PTPN13: variants seen among roughly 807,000 people sequenced by gnomAD.
PTPN13 encodes the protein protein tyrosine phosphatase non-receptor type 13.
In PTPN13, 191 loss-of-function variants were observed where a neutral mutation model predicts 284.0. The observed-to-expected ratio is 0.67, with a 90% CI of 0.60 to 0.76. The LOEUF is 0.76. PTPN13 is among the 30% of genes least tolerant of loss of function. PTPN13 has a pLI of 0.00. For synonymous variants in PTPN13, 986 were observed against 1,022.3 expected, an observed-to-expected ratio of 0.96 and a Z score of 0.68; for missense variants, 2,797 against 2,939.9, an observed-to-expected ratio of 0.95 and a Z score of 1.12.
At chr4:86,801,677 A>AAG (rs1252831190) in intron 42 of PTPN13, among the ~76,000 whole-genome samples, 1 of 152,186 alleles carries the variant, frequency 6.6e-6, no homozygotes, top group African/African-American at 2.4e-5. Flanking sequence ...GAAATAATTC[A>AAG]GTGTTTAGTT....
chr4:86,793,016 C>T lies in PTPN13; in HGVS notation c.6346-3858C>T, dbSNP rs1268049598. ...TCAAATTCACACATAACAATATTAA[C>T]CGTAAGTGTGTATGGGCTAAATGCC... On this transcript the variant is annotated intron_variant, in intron 40 of 47. Transcript: ENST00000411767. 5.9e-5 allele frequency among the ~76,000 whole-genome samples: 9 copies of T among 152,108 alleles called. No homozygotes were observed. In the East Asian group the frequency reaches 1.7e-3, roughly 29 times the overall value.
intron 43 of PTPN13, among the ~76,000 whole-genome samples, chr4:86,804,913 A>C (rs1357597822): frequency 6.6e-6 from 1 of 152,242 alleles, no homozygotes; most frequent in Non-Finnish European, 1.5e-5. Flanking sequence ...AATATTCTAT[A>C]ACCCTTACAG....
At chr4:86,788,459 A>G (rs1426937648) in intron 40 of PTPN13, among the ~76,000 whole-genome samples, 1 of 152,210 alleles carries the variant, frequency 6.6e-6, no homozygotes, top group African/African-American at 2.4e-5. Flanking sequence ...AAGTTTTATC[A>G]TGTGGCAAAA....
rs1163775222 is a variant in PTPN13 at position 86,810,174 on chromosome 4, A to G, written c.7299+190A>G. On this transcript the variant is annotated intron_variant, in intron 46 of 47. Coordinates refer to ENST00000411767, the MANE Select transcript of PTPN13 (RefSeq NM_080683.3). ...GGTATTCAAAACTACATAGACCGTG[A>G]TCAACAAAAAATAATACTTCAATTT... Among the ~76,000 whole-genome samples the G allele has an allele frequency of 3.3e-5, 5 of 152,312 alleles. No homozygotes were observed. In the South Asian group the frequency reaches 6.2e-4, roughly 19 times the overall value.
At chr4:86,755,734 CA>C (rs2149222810) in intron 20 of PTPN13, among the ~76,000 whole-genome samples, 1 of 152,038 alleles carries the variant, frequency 6.6e-6, no homozygotes, top group East Asian at 1.9e-4. Flanking sequence ...TGATTTTGTC[CA>C]ACTATAAGTT....
Position 86,794,278 on chromosome 4 carries a change from G to A in PTPN13, c.6346-2596G>A, listed in dbSNP as rs562077357. 3.9e-5 allele frequency among the ~76,000 whole-genome samples: 6 copies of A among 152,206 alleles called. No individual in the cohort carries two copies. In the South Asian group the frequency reaches 1.0e-3, roughly 26 times the overall value. On this transcript the variant is annotated intron_variant, in intron 40 of 47. Coordinates refer to ENST00000411767, the MANE Select transcript of PTPN13 (RefSeq NM_080683.3). ...CCAACAGTAGACAGAGCCAAATCAT[G>A]TGTGAACTCCCATTCACAATTACCA...
chr4:86,625,370 T>C (rs1721713291), intron 1 of PTPN13, among the ~76,000 whole-genome samples: 1 of 152,124 alleles, frequency 6.6e-6, no homozygotes, highest in African/African-American at 2.4e-5. Flanking sequence ...ATCTACCTTC[T>C]TCTTACTTAC....
chr4:86,802,343 G>T (rs1744127610), intron 42 of PTPN13, among the ~76,000 whole-genome samples: 1 of 152,014 alleles, frequency 6.6e-6, no homozygotes, highest in African/African-American at 2.4e-5. Context: ...CTATTATGTT[G>T]TTTCTGAAAT....
chr4:86,809,540 A>C (rs1578733173), intron 45 of PTPN13, among the ~76,000 whole-genome samples: 1 of 152,138 alleles, frequency 6.6e-6, no homozygotes, highest in East Asian at 1.9e-4. Context: ...TCTACTAAAA[A>C]TACAGAAATT....
chr4:86,782,393 A>T (rs1196220200), intron 37 of PTPN13, 131 bp downstream of exon 37: 2 of 851,556 alleles, frequency 2.3e-6, no homozygotes, highest in African/African-American at 3.4e-5. Context: ...TAGTAAGGCT[A>T]TATTTTACTG....
intron 21 of PTPN13, 94 bp from the exon 22 acceptor site, chr4:86,758,584 C>G: frequency 1.8e-6 from 2 of 1,102,130 alleles, no homozygotes; most frequent in South Asian, 2.8e-5. Flanking sequence ...CATTTGATAT[C>G]AATAGTCCCC....
intron 41 of PTPN13, among the ~76,000 whole-genome samples, chr4:86,797,786 A>G (rs1302156994): frequency 1.3e-5 from 2 of 152,046 alleles, no homozygotes; most frequent in Non-Finnish European, 2.9e-5. Flanking sequence ...AAACCCACAA[A>G]ATATGTTTTA....
At chr4:86,800,872 G>A (rs1226345114) in intron 42 of PTPN13, among the ~76,000 whole-genome samples, 1 of 152,192 alleles carries the variant, frequency 6.6e-6, no homozygotes, top group African/African-American at 2.4e-5. Flanking sequence ...CTGACATGCA[G>A]TTCTGTAAAA....
intron 1 of PTPN13, among the ~76,000 whole-genome samples, chr4:86,599,202 C>T (rs1764086693): frequency 6.6e-6 from 1 of 152,172 alleles, no homozygotes; most frequent in South Asian, 2.1e-4. Flanking sequence ...GTTCTAGACT[C>T]TACTAGAATA....
At chr4:86,662,125 G>A (rs1198230179) in intron 2 of PTPN13, among the ~76,000 whole-genome samples, 1 of 152,096 alleles carries the variant, frequency 6.6e-6, no homozygotes, top group African/African-American at 2.4e-5. Context: ...AATCTACAGA[G>A]GCTTAATGAA....
intron 32 of PTPN13, 97 bp downstream of exon 32, chr4:86,773,055 T>C: frequency 1.1e-6 from 1 of 871,414 alleles, no homozygotes; most frequent in Non-Finnish European, 1.7e-6. Context: ...ATCTTTAAAA[T>C]AGCTTCATAT....
chr4:86,735,549 C>T (rs757362529), intron 14 of PTPN13, 45 bp from the exon 15 acceptor site: 2 of 1,590,702 alleles, frequency 1.3e-6, no homozygotes, highest in South Asian at 1.2e-5. Flanking sequence ...GGGTTTACTC[C>T]AATAAAAGGC....
intron 40 of PTPN13, among the ~76,000 whole-genome samples, chr4:86,789,945 G>A (rs964706079): frequency 3.3e-5 from 5 of 151,276 alleles, no homozygotes; most frequent in African/African-American, 1.2e-4. Flanking sequence ...TTGCCCCACT[G>A]TAACTTATTT....
intron 3 of PTPN13, 67 bp downstream of exon 3, chr4:86,672,610 C>T: frequency 7.9e-7 from 1 of 1,271,624 alleles, no homozygotes; most frequent in Non-Finnish European, 1.1e-6. Context: ...AGACAATGGG[C>T]TACCATGTTT....
Sources: gnomAD v4.1 joint callset for allele counts (sites outside exome capture counted in the v4.1 genomes callset) on GRCh38, gnomAD v4.1.1 for gene constraint, MANE v1.5 for transcripts, NCBI Gene and HGNC (gene_info 2026-07-23, HGNC 2026-07-21) for gene names.